Variants in GOLGA5 observed in about 807,000 individuals in gnomAD.
The protein encoded by GOLGA5 is golgin A5.
A neutral mutation model predicts 93.5 loss-of-function variants in GOLGA5; 50 were observed. The ratio of observed to expected loss-of-function variants is 0.53; its 90% confidence interval spans 0.43 to 0.68. The LOEUF (loss-of-function observed/expected upper bound fraction) is 0.68. Ranked by LOEUF, GOLGA5 falls within the 30% of genes least tolerant of loss-of-function variation. The pLI is 0.00. For missense variants in GOLGA5, 760 were observed against 856.4 expected (o/e 0.89, Z 1.40); for synonymous variants, 312 against 304.5 (o/e 1.02, Z -0.26).
chr14:92,808,900 A>G (rs1247496808), intron 3 of GOLGA5, among the ~76,000 whole-genome samples: 6 of 152,246 alleles, frequency 3.9e-5, no homozygotes, highest in Non-Finnish European at 7.3e-5. Context: ...AATTGAAAGC[A>G]ATAGATTCTT....
rs939856761 is a variant in GOLGA5 at position 92,839,709 on chromosome 14, A to T, written c.*263A>T. ...GTGGTCCTAATATATATGTAGAGAAAGATGGTGGGGTTGTTCACCTCTGTA... is the reference window on the plus strand; with the variant it reads ...GTGGTCCTAATATATATGTAGAGAATGATGGTGGGGTTGTTCACCTCTGTA... On this transcript the variant is annotated 3_prime_UTR_variant, in exon 13 of 13. Transcript: ENST00000163416. The T allele has an allele frequency of 7.9e-6, 4 of 508,382 alleles. No individual in the cohort carries two copies. Among genetic ancestry groups the T allele is most frequent in the Non-Finnish European group, 1.4e-5 (4 of 285,460 alleles). 31.5% of individuals were successfully genotyped at this position (508,382 alleles called of 1,614,324 possible). A position where few individuals can be genotyped will look rare whatever the true frequency, so the allele number is the denominator to read the frequency against.
chr14:92,838,187 T>C (rs1429332697), intron 12 of GOLGA5, among the ~76,000 whole-genome samples: 1 of 152,172 alleles, frequency 6.6e-6, no homozygotes, highest in Non-Finnish European at 1.5e-5. Context: ...TTACGGTAGT[T>C]TGGGATGCCA....
chr14:92,794,731 G>A (rs182676307), intron 1 of GOLGA5, among the ~76,000 whole-genome samples: 1 of 152,120 alleles, frequency 6.6e-6, no homozygotes, highest in Admixed American at 6.5e-5. Context: ...GCAGAGTGGG[G>A]GTCTCTGCTC....
intron 2 of GOLGA5, among the ~76,000 whole-genome samples, chr14:92,805,479 A>G (rs1163366347): frequency 6.6e-6 from 1 of 152,244 alleles, no homozygotes; most frequent in Admixed American, 6.5e-5. Flanking sequence ...TTGTGGGCAA[A>G]TGTTTTCATT....
At chr14:92,798,369 C>A (rs1226178675) in intron 2 of GOLGA5, among the ~76,000 whole-genome samples, 2 of 152,174 alleles carry the variant, frequency 1.3e-5, no homozygotes, top group Non-Finnish European at 2.9e-5. Flanking sequence ...GGAGGCTGTA[C>A]TTCACGTATT....
intron 2 of GOLGA5, among the ~76,000 whole-genome samples, chr14:92,803,973 G>A (rs1410466513): frequency 6.6e-6 from 1 of 152,078 alleles, no homozygotes; most frequent in Non-Finnish European, 1.5e-5. Flanking sequence ...CTGTCCCAGG[G>A]AACCACTTTT....
At chr14:92,815,686 A>C (rs1203132015) in intron 6 of GOLGA5, among the ~76,000 whole-genome samples, 1 of 144,674 alleles carries the variant, frequency 6.9e-6, no homozygotes, top group Admixed American at 7.3e-5. Flanking sequence ...AATAAACACA[A>C]ATTTTTTTTA....
At position 92,822,998 on chromosome 14, in the gene GOLGA5, C is replaced by G. The variant is rs187334780; in HGVS notation, c.1621-1548C>G. ...ATGTAGTCAACTTTATCATTCTTTT[C>G]TACCAAGGCTTCTGGATTTTCAGTC... is the stretch of plus-strand genomic sequence containing the variant. On this transcript the variant is annotated intron_variant, in intron 8 of 12. Coordinates refer to ENST00000163416, the MANE Select transcript of GOLGA5 (RefSeq NM_005113.4). Among the ~76,000 whole-genome samples, 651 of 152,250 alleles carry G rather than the reference C, an allele frequency of 4.3e-3. 11 individuals carry two copies. The highest frequency in any genetic ancestry group is 3.5e-3 in the Non-Finnish European group (239 of 68,008).
chr14:92,835,607 A>G lies in GOLGA5; in HGVS notation c.1994A>G (p.Asn665Ser), dbSNP rs369792091. 54 of 1,613,852 alleles carry G rather than the reference A, an allele frequency of 3.3e-5. No homozygotes were observed. The African/African-American group carries it at 6.5e-4, about 20-fold the overall frequency. The change falls in exon 11 of 13, where the codon AAT (asparagine) becomes AGT (serine). Residue 665 changes from asparagine to serine, a missense_variant. Physicochemically the swap from Asn to Ser is conservative, Grantham distance 46 (BLOSUM62 1). Coordinates refer to ENST00000163416, the MANE Select transcript of GOLGA5 (RefSeq NM_005113.4). ...VPVLFNDTET[N>S]LAGMYGKVRK... ...GTTCTTTTTAATGACACAGAAACTAATCTGGCAGGAATGTACGGAAAAGTT... is the reference window on the plus strand; with the variant it reads ...GTTCTTTTTAATGACACAGAAACTAGTCTGGCAGGAATGTACGGAAAAGTT...
intron 9 of GOLGA5, among the ~76,000 whole-genome samples, chr14:92,827,965 C>T (rs1253888255): frequency 6.6e-6 from 1 of 152,156 alleles, no homozygotes; most frequent in African/African-American, 2.4e-5. Flanking sequence ...AAGTTTGAAG[C>T]TAGCAGAGGT....
intron 6 of GOLGA5, 33 bp from the exon 7 acceptor site, chr14:92,816,218 C>T: frequency 6.9e-7 from 1 of 1,455,324 alleles, no homozygotes; most frequent in Non-Finnish European, 9.6e-7. Context: ...CTAATCTCTG[C>T]TTTGCTTAAA....
intron 3 of GOLGA5, 57 bp downstream of exon 3, chr14:92,807,020 C>T: frequency 8.1e-7 from 1 of 1,236,644 alleles, no homozygotes; most frequent in South Asian, 1.2e-5. Context: ...AAACTTAAGG[C>T]TGGACGCAGT....
chr14:92,823,010 C>G (rs972094066), intron 8 of GOLGA5, among the ~76,000 whole-genome samples: 19 of 152,130 alleles, frequency 1.2e-4, no homozygotes, highest in African/African-American at 4.6e-4. Flanking sequence ...ACCAAGGCTT[C>G]TGGATTTTCA....
At chr14:92,826,609 A>G (rs978303416) in intron 9 of GOLGA5, among the ~76,000 whole-genome samples, 1 of 151,926 alleles carries the variant, frequency 6.6e-6, no homozygotes, top group South Asian at 2.1e-4. Flanking sequence ...GAGACAGGAG[A>G]ATCACTTGAA....
chr14:92,818,974 A>G (rs1885261303), intron 7 of GOLGA5, among the ~76,000 whole-genome samples: 2 of 152,238 alleles, frequency 1.3e-5, no homozygotes, highest in Non-Finnish European at 2.9e-5. Context: ...GAAGAAAATT[A>G]TATGCCAACT....
chr14:92,830,432 A>G (rs1885506701), intron 9 of GOLGA5, among the ~76,000 whole-genome samples: 1 of 150,258 alleles, frequency 6.7e-6, no homozygotes. Flanking sequence ...CTTATCAGAT[A>G]TCATTAGTGT....
At chr14:92,806,236 G>C (rs184652557) in intron 2 of GOLGA5, among the ~76,000 whole-genome samples, 4 of 152,256 alleles carry the variant, frequency 2.6e-5, no homozygotes, top group Admixed American at 1.3e-4. Flanking sequence ...CCAGACTTGA[G>C]TATCCTTAGA....
intron 6 of GOLGA5, among the ~76,000 whole-genome samples, chr14:92,813,033 C>G (rs1382267528): frequency 3.3e-5 from 5 of 152,298 alleles, no homozygotes; most frequent in Non-Finnish European, 7.4e-5. Context: ...TTCTGGTCAA[C>G]GTTACTGCCA....
intron 3 of GOLGA5, 73 bp downstream of exon 3, chr14:92,807,036 G>A (rs954762499): frequency 2.6e-5 from 27 of 1,031,806 alleles, no homozygotes; most frequent in East Asian, 7.7e-5. Flanking sequence ...GCAGTGGCTC[G>A]TGCCTGTAAT....
Sources: allele counts gnomAD v4.1 joint callset (sites outside exome capture counted in the v4.1 genomes callset), GRCh38; gene constraint gnomAD v4.1.1; transcripts MANE v1.5; gene names NCBI Gene and HGNC (gene_info 2026-07-23, HGNC 2026-07-21).